NALCN: variants seen among roughly 807,000 people sequenced by gnomAD.
The protein encoded by NALCN is sodium leak channel, non-selective, also known as sodium leak channel NALCN.
A neutral mutation model predicts 225.3 loss-of-function variants in NALCN; 111 were observed. That is an observed-to-expected ratio of 0.49 (90% CI 0.42 to 0.58). NALCN has a LOEUF of 0.58. Ranked by LOEUF, NALCN falls within the 20% of genes least tolerant of loss-of-function variation. NALCN has a pLI of 0.00. For missense variants in NALCN, 1,378 were observed against 2,202.4 expected (o/e 0.63, Z 7.49); for synonymous variants, 764 against 769.0 (o/e 0.99, Z 0.11).
At chr13:101,371,780 A>G (rs368047071) in intron 6 of NALCN, among the ~76,000 whole-genome samples, 2 of 152,044 alleles carry the variant, frequency 1.3e-5, no homozygotes, top group East Asian at 3.9e-4. Flanking sequence ...GTTGGTCCAC[A>G]CTCTCTTACT....
chr13:101,112,831 C>T (rs2035516600), intron 18 of NALCN, among the ~76,000 whole-genome samples: 4 of 152,096 alleles, frequency 2.6e-5, no homozygotes, highest in South Asian at 4.2e-4. Flanking sequence ...GTGCTTAGCG[C>T]ACTTAAAATA....
At chr13:101,268,091 T>C (rs1227777331) in intron 10 of NALCN, among the ~76,000 whole-genome samples, 1 of 152,210 alleles carries the variant, frequency 6.6e-6, no homozygotes, top group African/African-American at 2.4e-5. Flanking sequence ...TGTTGGAAAC[T>C]AGGTACTTTG....
At chr13:101,172,434 A>AC (rs2038768130) in intron 15 of NALCN, among the ~76,000 whole-genome samples, 1 of 151,870 alleles carries the variant, frequency 6.6e-6, no homozygotes, top group African/African-American at 2.4e-5. Context: ...CTTCACTAGT[A>AC]CCTTTTCACT....
intron 6 of NALCN, among the ~76,000 whole-genome samples, chr13:101,352,030 T>C (rs1197187016): frequency 6.6e-6 from 1 of 152,202 alleles, no homozygotes; most frequent in Non-Finnish European, 1.5e-5. Context: ...AATTTTCCTG[T>C]ATTCGTAGGG....
chr13:101,141,039 T>A (rs545190778), intron 17 of NALCN, among the ~76,000 whole-genome samples: 2 of 152,336 alleles, frequency 1.3e-5, no homozygotes, highest in Admixed American at 6.5e-5. Flanking sequence ...TATCATAATT[T>A]TTCACGAGAA....
chr13:101,152,680 T>C (rs1254570397), intron 15 of NALCN, among the ~76,000 whole-genome samples: 1 of 152,202 alleles, frequency 6.6e-6, no homozygotes, highest in African/African-American at 2.4e-5. Flanking sequence ...ATCCCATTAA[T>C]GTAATTAATA....
At chr13:101,098,678 C>T (rs759312204) in intron 27 of NALCN, among the ~76,000 whole-genome samples, 2 of 152,150 alleles carry the variant, frequency 1.3e-5, no homozygotes, top group Non-Finnish European at 2.9e-5. Flanking sequence ...GGTGTATCTA[C>T]TTTCCCCCTT....
chr13:101,061,698 T>TAAGTC, intron 41 of NALCN, among the ~76,000 whole-genome samples: 1 of 152,310 alleles, frequency 6.6e-6, no homozygotes, highest in South Asian at 2.1e-4. Context: ...AACTGCTTTT[T>TAAGTC]AAGTCTTCAT....
intron 13 of NALCN, among the ~76,000 whole-genome samples, chr13:101,228,723 T>G (rs775561203): frequency 3.5e-4 from 53 of 152,360 alleles, no homozygotes; most frequent in Non-Finnish European, 7.2e-4. Flanking sequence ...AAGAATGGAC[T>G]AATACACCAT....
chr13:101,063,371 T>G (rs1304390003), intron 40 of NALCN, among the ~76,000 whole-genome samples: 1 of 152,248 alleles, frequency 6.6e-6, no homozygotes, highest in African/African-American at 2.4e-5. Flanking sequence ...CTTCACTGTT[T>G]GTTTTTATCA....
intron 7 of NALCN, among the ~76,000 whole-genome samples, chr13:101,332,750 AGAC>A (rs746950929): frequency 1.3e-5 from 2 of 152,254 alleles, no homozygotes; most frequent in Non-Finnish European, 2.9e-5. Context: ...TTCAGAGGTT[AGAC>A]AAGTTACGTA....
intron 18 of NALCN, among the ~76,000 whole-genome samples, chr13:101,112,127 C>T (rs767780186): frequency 2.6e-5 from 4 of 151,240 alleles, no homozygotes; most frequent in African/African-American, 4.9e-5. Context: ...ATACTTAACA[C>T]GACTGAACTG....
intron 14 of NALCN, among the ~76,000 whole-genome samples, chr13:101,185,365 G>T (rs973395378): frequency 6.6e-6 from 1 of 152,172 alleles, no homozygotes; most frequent in Non-Finnish European, 1.5e-5. Flanking sequence ...GTAACAAAAA[G>T]ACTACCCACA....
At chr13:101,059,729 T>G in intron 42 of NALCN, 89 bp downstream of exon 42, 1 of 1,145,390 alleles carries the variant, frequency 8.7e-7, no homozygotes, top group South Asian at 2.1e-5. Flanking sequence ...CTTGTTTGAA[T>G]GATCTGACCA....
chr13:101,332,999 C>G (rs1427586304), intron 7 of NALCN, among the ~76,000 whole-genome samples: 2 of 152,138 alleles, frequency 1.3e-5, no homozygotes, highest in Admixed American at 1.3e-4. Flanking sequence ...TTTAATATCT[C>G]TGTTTGAGGG....
intron 7 of NALCN, among the ~76,000 whole-genome samples, chr13:101,293,852 T>A (rs1479098227): frequency 6.6e-6 from 1 of 152,248 alleles, no homozygotes. Context: ...AGAATATAAC[T>A]TCATAAATGT....
At chr13:101,190,040 G>GA (rs1486519146) in intron 14 of NALCN, among the ~76,000 whole-genome samples, 13 of 152,062 alleles carry the variant, frequency 8.5e-5, no homozygotes, top group African/African-American at 2.7e-4. Flanking sequence ...TTATATTAGT[G>GA]ACCCCAGTAG....
intron 17 of NALCN, among the ~76,000 whole-genome samples, chr13:101,126,460 A>G (rs575405515): frequency 1.3e-5 from 2 of 151,588 alleles, no homozygotes; most frequent in East Asian, 3.9e-4. Context: ...AAACTTTCCT[A>G]CTTCTCCCCT....
chr13:101,131,873 T>C (rs1415891174), intron 17 of NALCN, among the ~76,000 whole-genome samples: 1 of 152,188 alleles, frequency 6.6e-6, no homozygotes, highest in Non-Finnish European at 1.5e-5. Flanking sequence ...CTGTCATCTT[T>C]ATAGAAGAAG....
Sources: gnomAD v4.1 joint callset for allele counts (sites outside exome capture counted in the v4.1 genomes callset) on GRCh38, gnomAD v4.1.1 for gene constraint, MANE v1.5 for transcripts, NCBI Gene and HGNC (gene_info 2026-07-23, HGNC 2026-07-21) for gene names.